CAMK2A: variants seen among roughly 807,000 people sequenced by gnomAD.
CAMK2A encodes the protein calcium/calmodulin dependent protein kinase II alpha.
CAMK2A carries 7 observed loss-of-function variants against 79.2 expected under a neutral mutation model. The ratio of observed to expected loss-of-function variants is 0.09; its 90% CI spans 0.05 to 0.17. The LOEUF (loss-of-function observed/expected upper bound fraction) is 0.17, where lower values mean the gene tolerates loss of function less well. CAMK2A is among the 10% of genes least tolerant of loss of function. The pLI is 1.00. For missense variants in CAMK2A, 214 were observed against 646.4 expected (o/e 0.33, Z 7.25); for synonymous variants, 242 against 251.7 (o/e 0.96, Z 0.36).
chr5:150,225,810 T>C (rs1754575755), intron 17 of CAMK2A, among the ~76,000 whole-genome samples: 1 of 152,196 alleles, frequency 6.6e-6, no homozygotes, highest in African/African-American at 2.4e-5. Flanking sequence ...AGTGGCATGA[T>C]CTCAGCTTAC....
intron 3 of CAMK2A, among the ~76,000 whole-genome samples, chr5:150,262,829 C>T (rs2150291857): frequency 6.6e-6 from 1 of 152,276 alleles, no homozygotes; most frequent in Admixed American, 6.5e-5. Flanking sequence ...TGCCCAAGCT[C>T]AAACACTTAG....
chr5:150,235,609 A>T (rs1755023455), intron 15 of CAMK2A, among the ~76,000 whole-genome samples: 2 of 152,244 alleles, frequency 1.3e-5, no homozygotes, highest in African/African-American at 4.8e-5. Context: ...GGAGCGAATC[A>T]GGAGGGATGG....
At position 150,223,905 on chromosome 5, in the gene CAMK2A, G is replaced by C. The variant is rs1225278740; in HGVS notation, c.1238-688C>G. On this transcript the variant is annotated intron_variant, in intron 17 of 18. Coordinates refer to ENST00000671881, the MANE Select transcript of CAMK2A (RefSeq NM_015981.4). The surrounding 1 kb of genome is among the most constrained non-coding windows in gnomAD (Gnocchi z 4.1). The stretch of plus-strand genomic sequence containing the variant: ...TCTACAGTTCAGACACGGCCCGTGG[G>C]CCTGTCTGAAGTATATCTACTTCTA... 6.6e-6 allele frequency among the ~76,000 whole-genome samples: 1 copy of C among 152,226 alleles called. No homozygotes were observed. Among genetic ancestry groups the C allele is most frequent in the Non-Finnish European group, 1.5e-5 (1 of 68,042 alleles).
At position 150,224,997 on chromosome 5, in the gene CAMK2A, C is replaced by CA. The variant is rs1323294533; in HGVS notation, c.1238-1781dup. 6.8e-5 allele frequency among the ~76,000 whole-genome samples: 8 copies of CA among 117,412 alleles called. No homozygotes were observed. The East Asian group carries it at 2.0e-3, about 29-fold the overall frequency. The allele number at this position is 117,412 out of a possible 152,430, so 77.0% of individuals were successfully genotyped here. On this transcript the variant is annotated intron_variant, in intron 17 of 18. Transcript: ENST00000671881. ...GCAAAAAGGTGAAACCCAGTCTCTA[C>CA]AAAAAATACAAAAAAATAGCCAGTC...
rs745861586 is a variant in CAMK2A at position 150,264,946 on chromosome 5, C to T, written c.217+10G>A. 6.2e-7 allele frequency: 1 copy of T among 1,613,014 alleles called. No homozygotes were observed. Among genetic ancestry groups the T allele is most frequent in the African/African-American group, 1.3e-5 (1 of 75,006 alleles). Reference sequence around the variant, plus strand: ...GCTCCCCTGCGCCCCTCTCATCCCACAAGGCTCACCGATGTTGGGGTGCTT... The same window carrying T: ...GCTCCCCTGCGCCCCTCTCATCCCATAAGGCTCACCGATGTTGGGGTGCTT... On this transcript the variant is annotated intron_variant, in intron 3 of 18. Coordinates refer to ENST00000671881, the MANE Select transcript of CAMK2A (RefSeq NM_015981.4).
intron 12 of CAMK2A, among the ~76,000 whole-genome samples, chr5:150,246,864 G>A (rs1755590292): frequency 6.6e-6 from 1 of 152,218 alleles, no homozygotes; most frequent in Non-Finnish European, 1.5e-5. Flanking sequence ...TTGCTGTGGT[G>A]CTGGCCACAA....
At chr5:150,245,708 C>A (rs1755539163) in intron 12 of CAMK2A, among the ~76,000 whole-genome samples, 1 of 152,206 alleles carries the variant, frequency 6.6e-6, no homozygotes, top group African/African-American at 2.4e-5. Flanking sequence ...GAAGCAGATG[C>A]CCCCACTGGG....
At chr5:150,222,808 C>T (rs1562126736) in intron 18 of CAMK2A, 95 bp from the exon 19 acceptor site, 1 of 1,495,666 alleles carries the variant, frequency 6.7e-7, no homozygotes, top group East Asian at 2.3e-5. Flanking sequence ...CATGCGGTCC[C>T]TGGTGGCTCC....
In CAMK2A at chr5:150,256,751, G is replaced by A. The variant is rs749869919; in HGVS notation, c.338+15C>T. ...TGTCCCCGGGTGCCATTGCCAGGCA[G>A]CACCTGACACTCACCTGGCATCCGC... On this transcript the variant is annotated intron_variant, in intron 5 of 18. Transcript: ENST00000671881. The surrounding 1 kb of genome is among the most constrained non-coding windows in gnomAD (Gnocchi z 4.6). The A allele has an allele frequency of 5.0e-6, 8 of 1,611,876 alleles. No homozygotes were observed. Among genetic ancestry groups the A allele is most frequent in the Non-Finnish European group, 5.9e-6 (7 of 1,178,084 alleles).
chr5:150,222,612 G>T lies in CAMK2A; in HGVS notation c.*98C>A. ...ACGGTGGTGGGGTGATGACATGGGAGAATTCCAGCAAAATCCACCTGGGAG... is the reference window on the plus strand; with the variant it reads ...ACGGTGGTGGGGTGATGACATGGGATAATTCCAGCAAAATCCACCTGGGAG... On this transcript the variant is annotated 3_prime_UTR_variant, in exon 19 of 19. Coordinates refer to ENST00000671881, the MANE Select transcript of CAMK2A (RefSeq NM_015981.4). The T allele has an allele frequency of 7.4e-7, 1 of 1,357,886 alleles. No individual in the cohort carries two copies. The highest frequency in any genetic ancestry group is 1.1e-6 in the Non-Finnish European group (1 of 949,914). 84.1% of individuals were successfully genotyped at this position (1,357,886 alleles called of 1,614,324 possible).
At chr5:150,224,479 T>C (rs1266025156) in intron 17 of CAMK2A, among the ~76,000 whole-genome samples, 1 of 152,100 alleles carries the variant, frequency 6.6e-6, no homozygotes, top group Admixed American at 6.5e-5. Context: ...AAATGTAAAA[T>C]GTCTTTTTTT....
At chr5:150,258,745 A>G (rs1756169613) in intron 3 of CAMK2A, among the ~76,000 whole-genome samples, 1 of 152,140 alleles carries the variant, frequency 6.6e-6, no homozygotes, top group South Asian at 2.1e-4. Flanking sequence ...CTGGCTCAAT[A>G]TTGAGTCCCC....
intron 15 of CAMK2A, among the ~76,000 whole-genome samples, chr5:150,236,517 GA>G (rs1160796854): frequency 6.6e-6 from 1 of 152,214 alleles, no homozygotes; most frequent in Non-Finnish European, 1.5e-5. Context: ...TACTGTGAAG[GA>G]AACTGAAGCT....
chr5:150,285,131 G>A (rs1757371224), intron 1 of CAMK2A, among the ~76,000 whole-genome samples: 2 of 152,154 alleles, frequency 1.3e-5, no homozygotes, highest in African/African-American at 4.8e-5. Context: ...TGGGTAAGAG[G>A]GAGGATGTTC....
intron 15 of CAMK2A, among the ~76,000 whole-genome samples, chr5:150,235,884 G>C (rs1421527811): frequency 1.3e-5 from 2 of 152,138 alleles, no homozygotes; most frequent in Non-Finnish European, 2.9e-5. Flanking sequence ...GCTGGGGGAG[G>C]CACAAGGACT....
intron 2 of CAMK2A, among the ~76,000 whole-genome samples, chr5:150,269,439 C>T (rs1756644359): frequency 6.6e-6 from 1 of 151,908 alleles, no homozygotes; most frequent in African/African-American, 2.4e-5. Context: ...AGTGGACTCC[C>T]CTGGGCTCGG....
chr5:150,232,178 T>C (rs1211501133), intron 15 of CAMK2A, among the ~76,000 whole-genome samples: 1 of 152,226 alleles, frequency 6.6e-6, no homozygotes, highest in African/African-American at 2.4e-5. Flanking sequence ...AGCTTCAGCT[T>C]AGACAGATGT....
In CAMK2A at chr5:150,222,478, CT is replaced by C. The variant is rs1384684753; in HGVS notation, c.*231del. ...CACCCATGCCTGAGGAAGCCCCAGC[CT>C]GGCAGGGGAGAGGGTGGGGGTGAGA... On this transcript the variant is annotated 3_prime_UTR_variant, in exon 19 of 19. Coordinates refer to ENST00000671881, the MANE Select transcript of CAMK2A (RefSeq NM_015981.4). 1 of 703,618 alleles carries C rather than the reference CT, an allele frequency of 1.4e-6. No individual in the cohort carries two copies. The highest frequency in any genetic ancestry group is 2.6e-6 in the Non-Finnish European group (1 of 385,838). 43.6% of individuals were successfully genotyped at this position (703,618 alleles called of 1,614,324 possible). A position where few individuals can be genotyped will look rare whatever the true frequency, so the allele number is the denominator to read the frequency against.
Position 150,223,164 on chromosome 5 carries a change from G to A in CAMK2A, c.1291C>T (p.His431Tyr). 6.2e-7 allele frequency: 1 copy of A among 1,614,020 alleles called. No homozygotes were observed. The highest frequency in any genetic ancestry group is 1.7e-5 in the Admixed American group (1 of 60,028). ...CAGGCTGACTCGTCGCCCATCAGGT[G>A]GATGTGGGGATTCAGGATGGTGGTG... is the stretch of plus-strand genomic sequence containing the variant. Reference protein sequence around the residue: ...VHTTILNPHIHLMGDESACIA... With the variant: ...VHTTILNPHIYLMGDESACIA... The change falls in exon 18 of 19, where the codon CAC becomes TAC. Residue 431 changes from histidine (H) to tyrosine (Y), a missense_variant. His to Tyr is a moderately conservative substitution (Grantham distance 83, BLOSUM62 2). Coordinates refer to ENST00000671881, the MANE Select transcript of CAMK2A (RefSeq NM_015981.4). The surrounding 1 kb of genome is among the most constrained non-coding windows in gnomAD (Gnocchi z 4.1).
Sources: gnomAD v4.1 joint callset for allele counts (sites outside exome capture counted in the v4.1 genomes callset) on GRCh38, gnomAD v4.1.1 for gene constraint, Gnocchi (gnomAD v3.1) non-coding constraint, MANE v1.5 for transcripts, NCBI Gene and HGNC (gene_info 2026-07-23, HGNC 2026-07-21) for gene names.